JARID2: variants seen among roughly 807,000 people sequenced by gnomAD.
JARID2 encodes protein Jumonji.
Under a neutral mutation model 125.6 loss-of-function variants are expected in JARID2, and 21 were observed. The ratio of observed to expected loss-of-function variants is 0.17; its 90% CI spans 0.12 to 0.24. The LOEUF (loss-of-function observed/expected upper bound fraction) is 0.24, where lower values mean the gene tolerates loss of function less well. Ranked by LOEUF, JARID2 falls within the 10% of genes least tolerant of loss-of-function variation. JARID2 has a pLI of 1.00. For synonymous variants in JARID2, 736 were observed against 661.6 expected (o/e 1.11, Z -1.73); for missense variants, 1,303 against 1,639.6 (o/e 0.79, Z 3.55).
At chr6:15,265,603 C>T (rs895052331) in intron 1 of JARID2, among the ~76,000 whole-genome samples, 5 of 152,018 alleles carry the variant, frequency 3.3e-5, no homozygotes, top group Admixed American at 6.5e-5. Context: ...AAGGCTACTT[C>T]TTGGCTGGCA....
chr6:15,339,604 C>T (rs943889139), intron 1 of JARID2, among the ~76,000 whole-genome samples: 5 of 144,940 alleles, frequency 3.4e-5, no homozygotes, highest in Non-Finnish European at 3.0e-5. Flanking sequence ...GGTGCGATCT[C>T]GGCTCACCGC....
At position 15,332,947 on chromosome 6, in the gene JARID2, T is replaced by C. The variant is rs1223563066; in HGVS notation, c.46-41170T>C. On this transcript the variant is annotated intron_variant, in intron 1 of 17. Coordinates refer to ENST00000341776, the MANE Select transcript of JARID2 (RefSeq NM_004973.4). Reference sequence around the variant, plus strand: ...TTTCTTTTCTTTTCTTTTTTTTTTTTTTTTTTTTTTTGGAGACGGAGTCGC... The same window carrying C: ...TTTCTTTTCTTTTCTTTTTTTTTTTCTTTTTTTTTTTGGAGACGGAGTCGC... Among the ~76,000 whole-genome samples the C allele has an allele frequency of 2.9e-5, 4 of 140,170 alleles. No homozygotes were observed. The East Asian group carries it at 8.0e-4, about 28-fold the overall frequency. 92.0% of individuals were successfully genotyped at this position (140,170 alleles called of 152,430 possible). A position where few individuals can be genotyped will look rare whatever the true frequency, so the allele number is the denominator to read the frequency against.
intron 5 of JARID2, among the ~76,000 whole-genome samples, chr6:15,478,789 C>T (rs1007558514): frequency 1.3e-5 from 2 of 152,156 alleles, no homozygotes; most frequent in East Asian, 1.9e-4. Context: ...CCTGCCTCAG[C>T]CTCCTGAGTA....
intron 1 of JARID2, among the ~76,000 whole-genome samples, chr6:15,267,095 A>G (rs1760113970): frequency 6.6e-6 from 1 of 152,186 alleles, no homozygotes. Context: ...ATGCTGACAT[A>G]TTGCAACTTA....
At chr6:15,284,314 GT>G (rs1187010500) in intron 1 of JARID2, among the ~76,000 whole-genome samples, 1 of 152,048 alleles carries the variant, frequency 6.6e-6, no homozygotes, top group Non-Finnish European at 1.5e-5. Flanking sequence ...GTTTATTCCT[GT>G]TGAAGTCCCA....
intron 2 of JARID2, among the ~76,000 whole-genome samples, chr6:15,396,323 A>G (rs1238179374): frequency 6.6e-6 from 1 of 152,236 alleles, no homozygotes; most frequent in Non-Finnish European, 1.5e-5. Context: ...TAATGCCTCC[A>G]ACACCAGTGT....
At chr6:15,273,033 C>T (rs769355460) in intron 1 of JARID2, among the ~76,000 whole-genome samples, 10 of 151,984 alleles carry the variant, frequency 6.6e-5, no homozygotes, top group Non-Finnish European at 1.3e-4. Context: ...AAAATAAAGC[C>T]TAGTAAGTTG....
At position 15,496,210 on chromosome 6, in the gene JARID2, A is replaced by G. The variant is rs1272720437; in HGVS notation, c.985A>G (p.Arg329Gly). ...CAGTGCCAAAAAGATGCGCGAGGTCAGACCTTCACCATCCAAAACTGTGAA... is the reference window on the plus strand; with the variant it reads ...CAGTGCCAAAAAGATGCGCGAGGTCGGACCTTCACCATCCAAAACTGTGAA... The part of the protein sequence containing the change: ...VTSAKKMREV[R>G]PSPSKTVKYT... The change falls in exon 7 of 18, where the codon AGA becomes GGA. Residue 329 changes from arginine (R) to glycine (G), a missense_variant. Around this residue, in one of 11 missense-constraint regions of JARID2, gnomAD observed 651 missense variants for 581.6 expected, o/e 1.12. Coordinates refer to ENST00000341776, the MANE Select transcript of JARID2 (RefSeq NM_004973.4). The G allele has an allele frequency of 6.2e-7, 1 of 1,614,190 alleles. No homozygotes were observed. Among genetic ancestry groups the G allele is most frequent in the Non-Finnish European group, 8.5e-7 (1 of 1,180,022 alleles).
chr6:15,457,967 A>T (rs1042157600), intron 4 of JARID2, among the ~76,000 whole-genome samples: 10 of 152,260 alleles, frequency 6.6e-5, no homozygotes, highest in African/African-American at 2.4e-4. Context: ...GGAGGATGGG[A>T]TGAATAGTGC....
chr6:15,490,370 A>G (rs1035218640), intron 6 of JARID2, among the ~76,000 whole-genome samples: 8 of 152,248 alleles, frequency 5.3e-5, no homozygotes, highest in Non-Finnish European at 1.2e-4. Flanking sequence ...TCTGCTTGCT[A>G]TAATGAACTG....
Position 15,487,302 on chromosome 6 carries a change from T to C in JARID2, c.671-5T>C, listed in dbSNP as rs765123720. On this transcript the variant is annotated splice_region_variant and splice_polypyrimidine_tract_variant and intron_variant, in intron 5 of 17. Coordinates refer to ENST00000341776, the MANE Select transcript of JARID2 (RefSeq NM_004973.4). ...TTTCATTCTTGTTTTCTCCTTCCTT[T>C]CTAGTTTTCAATGGTTCCAGCAGGT... 1.2e-5 allele frequency: 19 copies of C among 1,612,970 alleles called. No homozygotes were observed. Among genetic ancestry groups the C allele is most frequent in the Middle Eastern group, 1.6e-4 (1 of 6,062 alleles).
At chr6:15,333,469 G>A (rs891074391) in intron 1 of JARID2, among the ~76,000 whole-genome samples, 6 of 152,142 alleles carry the variant, frequency 3.9e-5, no homozygotes, top group African/African-American at 1.4e-4. Context: ...GGCCATACGT[G>A]TATGGCGTCT....
intron 3 of JARID2, among the ~76,000 whole-genome samples, chr6:15,440,902 A>G (rs891814375): frequency 2.0e-5 from 3 of 152,364 alleles, no homozygotes; most frequent in Non-Finnish European, 2.9e-5. Flanking sequence ...TGTGTCAGTT[A>G]TAGTGAATCC....
At chr6:15,477,911 A>G (rs923912955) in intron 5 of JARID2, among the ~76,000 whole-genome samples, 10 of 152,212 alleles carry the variant, frequency 6.6e-5, no homozygotes, top group African/African-American at 1.4e-4. Context: ...GAGGACTGTC[A>G]AAGAGTCAGC....
At chr6:15,472,923 A>G (rs1769146511) in intron 5 of JARID2, among the ~76,000 whole-genome samples, 3 of 152,334 alleles carry the variant, frequency 2.0e-5, no homozygotes, top group Admixed American at 2.0e-4. Flanking sequence ...ATGCCTGGGC[A>G]TTTTTTAGAT....
intron 2 of JARID2, among the ~76,000 whole-genome samples, chr6:15,404,313 A>T (rs1014570034): frequency 6.6e-6 from 1 of 152,224 alleles, no homozygotes; most frequent in Non-Finnish European, 1.5e-5. Context: ...CATGCCAAGC[A>T]GGCCCAAAGC....
chr6:15,327,663 G>A (rs1762577817), intron 1 of JARID2, among the ~76,000 whole-genome samples: 1 of 152,154 alleles, frequency 6.6e-6, no homozygotes, highest in Non-Finnish European at 1.5e-5. Flanking sequence ...GACACAGGAA[G>A]CCTTGGAAAG....
intron 4 of JARID2, among the ~76,000 whole-genome samples, chr6:15,455,450 A>G (rs1768119153): frequency 6.6e-6 from 1 of 152,126 alleles, no homozygotes. Context: ...CTACAGTGGG[A>G]TATAACACTA....
At chr6:15,307,767 A>G (rs1030717134) in intron 1 of JARID2, among the ~76,000 whole-genome samples, 1 of 152,132 alleles carries the variant, frequency 6.6e-6, no homozygotes, top group Admixed American at 6.6e-5. Context: ...TTAATTTAAG[A>G]TTTATTACTA....
Sources: allele counts gnomAD v4.1 joint callset (sites outside exome capture counted in the v4.1 genomes callset), GRCh38; gene constraint gnomAD v4.1.1; regional missense constraint gnomAD v4.1.1; transcripts MANE v1.5; gene names NCBI Gene and HGNC (gene_info 2026-07-23, HGNC 2026-07-21).